EPHA6: variants seen among roughly 807,000 people sequenced by gnomAD.
EPHA6 encodes the protein EPH receptor A6.
A neutral mutation model predicts 112.0 loss-of-function variants in EPHA6; 50 were observed. The observed-to-expected ratio is 0.45, with a 90% CI of 0.36 to 0.56. The LOEUF (loss-of-function observed/expected upper bound fraction) is 0.56. Ranked by LOEUF, EPHA6 falls within the 20% of genes least tolerant of loss-of-function variation. The pLI is 0.00. For synonymous variants in EPHA6, 529 were observed against 490.7 expected, an observed-to-expected ratio of 1.08 and a Z score of -1.03; for missense variants, 1,280 against 1,417.4, an observed-to-expected ratio of 0.90 and a Z score of 1.56.
intron 5 of EPHA6, among the ~76,000 whole-genome samples, chr3:97,281,199 C>CAATG (rs1559849169): frequency 4.4e-5 from 3 of 67,974 alleles, no homozygotes; most frequent in African/African-American, 1.8e-4. Flanking sequence ...TTCAAAGAGT[C>CAATG]TATGTGTGTG....
intron 13 of EPHA6, among the ~76,000 whole-genome samples, chr3:97,625,835 A>G (rs771106796): frequency 1.8e-4 from 28 of 151,858 alleles, no homozygotes; most frequent in Middle Eastern, 3.4e-3. Context: ...AAGGAGATGA[A>G]AAGGTACAAA....
intron 3 of EPHA6, among the ~76,000 whole-genome samples, chr3:97,129,514 CAAACAAAAAAAA>C (rs1459562604): frequency 2.8e-5 from 4 of 143,690 alleles, no homozygotes; most frequent in Non-Finnish European, 6.0e-5. Flanking sequence ...AAAACAAAAA[CAAACAAAAAAAA>C]AAACAACAAA....
At chr3:97,624,560 C>T (rs1198580913) in intron 13 of EPHA6, among the ~76,000 whole-genome samples, 2 of 151,414 alleles carry the variant, frequency 1.3e-5, no homozygotes, top group Non-Finnish European at 3.0e-5. Flanking sequence ...AGGTAATGTT[C>T]ATGGAATGAA....
chr3:96,973,435 GTAGC>G (rs1220434846), intron 2 of EPHA6, among the ~76,000 whole-genome samples: 1 of 152,036 alleles, frequency 6.6e-6, no homozygotes, highest in Admixed American at 6.6e-5. Flanking sequence ...TTTGGTAATT[GTAGC>G]TATTACAGGT....
chr3:96,843,656 T>G (rs1055986695), intron 1 of EPHA6, among the ~76,000 whole-genome samples: 1 of 151,996 alleles, frequency 6.6e-6, no homozygotes, highest in African/African-American at 2.4e-5. Context: ...AAGGATCGTG[T>G]TGGAGCGAGG....
chr3:97,053,656 T>C (rs555360570), intron 3 of EPHA6, among the ~76,000 whole-genome samples: 2 of 152,228 alleles, frequency 1.3e-5, no homozygotes, highest in South Asian at 4.1e-4. Context: ...CCTATACAAC[T>C]TGCATTTGTA....
At chr3:97,268,620 A>C (rs915753003) in intron 5 of EPHA6, among the ~76,000 whole-genome samples, 1 of 152,174 alleles carries the variant, frequency 6.6e-6, no homozygotes, top group African/African-American at 2.4e-5. Context: ...ATTTTAAAAT[A>C]TTTTACCATA....
chr3:96,920,513 C>T (rs1433402088), intron 2 of EPHA6, among the ~76,000 whole-genome samples: 1 of 151,934 alleles, frequency 6.6e-6, no homozygotes, highest in East Asian at 1.9e-4. Context: ...TCAAAATTCT[C>T]TTGGTCAATT....
intron 7 of EPHA6, among the ~76,000 whole-genome samples, chr3:97,450,748 T>TA (rs2090500656): frequency 2.0e-5 from 3 of 152,058 alleles, no homozygotes; most frequent in African/African-American, 7.2e-5. Flanking sequence ...GCCATACTCA[T>TA]ATGAGCCTCT....
intron 5 of EPHA6, among the ~76,000 whole-genome samples, chr3:97,322,211 T>C (rs1382960326): frequency 6.6e-6 from 1 of 152,068 alleles, no homozygotes; most frequent in African/African-American, 2.4e-5. Context: ...ATGCAAAATA[T>C]CATTTTGCTT....
chr3:96,925,587 C>T (rs1408409617), intron 2 of EPHA6, among the ~76,000 whole-genome samples: 1 of 149,058 alleles, frequency 6.7e-6, no homozygotes, highest in Non-Finnish European at 1.5e-5. Context: ...TTTCAAAAAA[C>T]AAGCTCCTTG....
intron 13 of EPHA6, among the ~76,000 whole-genome samples, chr3:97,616,554 C>T (rs1361279475): frequency 6.6e-6 from 1 of 152,110 alleles, no homozygotes; most frequent in African/African-American, 2.4e-5. Context: ...CAGGAGCTGA[C>T]AGTCAAAATA....
At chr3:96,985,194 C>T (rs1559645492) in intron 2 of EPHA6, among the ~76,000 whole-genome samples, 1 of 152,066 alleles carries the variant, frequency 6.6e-6, no homozygotes, top group Non-Finnish European at 1.5e-5. Context: ...CTTGGAAACA[C>T]CCCCCGGAAT....
At chr3:97,309,434 A>G (rs1233208263) in intron 5 of EPHA6, among the ~76,000 whole-genome samples, 4 of 151,628 alleles carry the variant, frequency 2.6e-5, no homozygotes, top group African/African-American at 9.7e-5. Flanking sequence ...TACCTCCAAA[A>G]CTAAATATCA....
intron 11 of EPHA6, among the ~76,000 whole-genome samples, chr3:97,533,075 CAA>C (rs1296400990): frequency 6.6e-6 from 1 of 151,724 alleles, no homozygotes; most frequent in African/African-American, 2.4e-5. Context: ...AATAATGGAA[CAA>C]AGTTTATTCC....
chr3:97,132,030 T>A (rs1034534569), intron 3 of EPHA6, among the ~76,000 whole-genome samples: 1 of 152,084 alleles, frequency 6.6e-6, no homozygotes, highest in Non-Finnish European at 1.5e-5. Context: ...GGCACTAGAA[T>A]GATGTAATAT....
At chr3:96,986,754 T>C (rs918232457) in intron 2 of EPHA6, among the ~76,000 whole-genome samples, 3 of 152,148 alleles carry the variant, frequency 2.0e-5, no homozygotes, top group Non-Finnish European at 4.4e-5. Flanking sequence ...GTGTCCAGGG[T>C]ATGGGAATGC....
At chr3:97,139,804 C>T (rs2075853351) in intron 3 of EPHA6, among the ~76,000 whole-genome samples, 1 of 152,174 alleles carries the variant, frequency 6.6e-6, no homozygotes, top group Non-Finnish European at 1.5e-5. Flanking sequence ...CAAAGGATCA[C>T]ATTAGGTCTG....
At chr3:96,979,861 G>A (rs1159251048) in intron 2 of EPHA6, among the ~76,000 whole-genome samples, 1 of 152,208 alleles carries the variant, frequency 6.6e-6, no homozygotes, top group Non-Finnish European at 1.5e-5. Context: ...TTTGAGAAGT[G>A]TCTGTTCATA....
Sources: gnomAD v4.1 joint callset for allele counts (sites outside exome capture counted in the v4.1 genomes callset) on GRCh38, gnomAD v4.1.1 for gene constraint, MANE v1.5 for transcripts, NCBI Gene and HGNC (gene_info 2026-07-23, HGNC 2026-07-21) for gene names.